ZBTB40: variants seen among roughly 807,000 people sequenced by gnomAD.
ZBTB40 encodes zinc finger and BTB domain containing 40.
A neutral mutation model predicts 117.5 loss-of-function variants in ZBTB40; 60 were observed. The observed-to-expected ratio is 0.51, with a 90% CI of 0.41 to 0.63. The LOEUF (loss-of-function observed/expected upper bound fraction) is 0.63. Ranked by LOEUF, ZBTB40 falls within the 30% of genes least tolerant of loss-of-function variation. ZBTB40 has a pLI of 0.00. For synonymous variants in ZBTB40, 525 were observed against 577.1 expected, an observed-to-expected ratio of 0.91 and a Z score of 1.29; for missense variants, 1,287 against 1,498.5, an observed-to-expected ratio of 0.86 and a Z score of 2.33.
At chr1:22,497,051 G>A (rs796535877) in intron 3 of ZBTB40, among the ~76,000 whole-genome samples, 39 of 152,318 alleles carry the variant, frequency 2.6e-4, no homozygotes, top group African/African-American at 9.1e-4. Flanking sequence ...CCTGATGTTC[G>A]AGGGCAGGAA....
At chr1:22,443,929 C>G (rs1640760562) in intron 1 of ZBTB40, among the ~76,000 whole-genome samples, 1 of 152,138 alleles carries the variant, frequency 6.6e-6, no homozygotes, top group Non-Finnish European at 1.5e-5. Context: ...CTAGGCATGT[C>G]CAACCTCCCT....
chr1:22,494,763 A>T (rs1016438270), intron 3 of ZBTB40, among the ~76,000 whole-genome samples: 1 of 152,254 alleles, frequency 6.6e-6, no homozygotes, highest in Non-Finnish European at 1.5e-5. Context: ...CTTGCTAGGC[A>T]GAGAAACTTC....
intron 1 of ZBTB40, among the ~76,000 whole-genome samples, chr1:22,476,042 A>G (rs1445438075): frequency 6.6e-6 from 1 of 152,332 alleles, no homozygotes; most frequent in African/African-American, 2.4e-5. Context: ...CTTGCCAGCA[A>G]TTGCGGATTA....
At position 22,528,273 on chromosome 1, in the gene ZBTB40, A is replaced by G. The variant is rs1224538833; in HGVS notation, c.*1877A>G. 1 of 152,532 alleles carries G rather than the reference A, an allele frequency of 6.6e-6. No homozygotes were observed. Among genetic ancestry groups the G allele is most frequent in the Non-Finnish European group, 1.5e-5 (1 of 68,042 alleles). The allele number at this position is 152,532 out of a possible 1,614,324, so 9.4% of individuals were successfully genotyped here. A position where few individuals can be genotyped will look rare whatever the true frequency, so the allele number is the denominator to read the frequency against. ...CCACTGAAAGATCGTAGAGTGGCAC[A>G]TGCTTACAGGGCATTGGTGCCAAGT... On this transcript the variant is annotated 3_prime_UTR_variant, in exon 18 of 18. Coordinates refer to ENST00000375647, the MANE Select transcript of ZBTB40 (RefSeq NM_014870.4).
chr1:22,524,254 C>T lies in ZBTB40; in HGVS notation c.3335C>T (p.Thr1112Ile), dbSNP rs773068830. The change falls in exon 17 of 18, where the codon ACT (threonine) becomes ATT (isoleucine). Residue 1112 changes from threonine to isoleucine, a missense_variant. Thr to Ile is a moderately conservative substitution (Grantham distance 89). Transcript: ENST00000375647. The part of the protein sequence containing the change: ...QPFRCLYCAA[T>I]FRFPGALQHH... ...TTCCGGTGCTTGTACTGTGCTGCTA[C>T]TTTCCGTTTTCCTGGAGCATTGCAG... The T allele has an allele frequency of 2.5e-6, 4 of 1,614,104 alleles. No individual in the cohort carries two copies. Among genetic ancestry groups the T allele is most frequent in the Non-Finnish European group, 3.4e-6 (4 of 1,180,056 alleles).
Position 22,528,881 on chromosome 1 carries a change from T to G in ZBTB40, c.*2485T>G, listed in dbSNP as rs2124482258. On this transcript the variant is annotated 3_prime_UTR_variant, in exon 18 of 18. Transcript: ENST00000375647. ...GATTGTGACAAGACATTTGTTTTCT[T>G]CGGAATCACCAGATTTGCAGCTTAC... 1 of 152,320 alleles carries G rather than the reference T, an allele frequency of 6.6e-6. No homozygotes were observed. Among genetic ancestry groups the G allele is most frequent in the South Asian group, 2.1e-4 (1 of 4,810 alleles). The allele number at this position is 152,320 out of a possible 1,614,324, so 9.4% of individuals were successfully genotyped here. A position where few individuals can be genotyped will look rare whatever the true frequency, so the allele number is the denominator to read the frequency against.
At chr1:22,442,271 G>A (rs190317957) in intron 1 of ZBTB40, among the ~76,000 whole-genome samples, 3 of 152,280 alleles carry the variant, frequency 2.0e-5, no homozygotes, top group East Asian at 1.9e-4. Flanking sequence ...GTATATTTCT[G>A]TTAGATCTGT....
intron 1 of ZBTB40, among the ~76,000 whole-genome samples, chr1:22,434,205 G>A (rs1640639838): frequency 6.6e-6 from 1 of 152,102 alleles, no homozygotes; most frequent in Non-Finnish European, 1.5e-5. Context: ...AATTAATCGA[G>A]CATCTTTTTG....
chr1:22,431,378 GTGTGTGTATATA>G (rs762589346), intron 1 of ZBTB40, among the ~76,000 whole-genome samples: 631 of 17,330 alleles, frequency 0.036, 4 homozygotes, highest in Middle Eastern at 0.17. Context: ...GTGTGTGTGT[GTGTGTGTATATA>G]TATATATATA....
chr1:22,431,380 G>GTA (rs1299801234), intron 1 of ZBTB40, among the ~76,000 whole-genome samples: 7 of 15,236 alleles, frequency 4.6e-4, no homozygotes, highest in Non-Finnish European at 5.8e-4. Flanking sequence ...GTGTGTGTGT[G>GTA]TGTGTATATA....
At chr1:22,508,278 A>C in intron 7 of ZBTB40, 141 bp downstream of exon 7, 1 of 1,109,216 alleles carries the variant, frequency 9.0e-7, no homozygotes, top group Non-Finnish European at 1.3e-6. Flanking sequence ...GAGAAATAGA[A>C]GGTATCTCAG....
chr1:22,444,728 T>C (rs1231184135), intron 1 of ZBTB40, among the ~76,000 whole-genome samples: 8 of 152,144 alleles, frequency 5.3e-5, no homozygotes, highest in Non-Finnish European at 5.9e-5. Context: ...CCCACCCCAA[T>C]GGAAGAATGA....
chr1:22,487,241 T>C (rs1248201797), intron 1 of ZBTB40, among the ~76,000 whole-genome samples: 2 of 152,202 alleles, frequency 1.3e-5, no homozygotes, highest in African/African-American at 4.8e-5. Context: ...CTCTGAAATA[T>C]TTTTATTTAT....
At position 22,516,491 on chromosome 1, in the gene ZBTB40, CG is replaced by C. The variant is rs529395231; in HGVS notation, c.2669-808del. On this transcript the variant is annotated intron_variant, in intron 12 of 17. Transcript: ENST00000375647. ...GATCATCTAGAAACAGGATTGAGAA[CG>C]TCAAGGACTAAGCCCCAGGCTCCTC... Among the ~76,000 whole-genome samples, 7 of 152,008 alleles carry C rather than the reference CG, an allele frequency of 4.6e-5. No homozygotes were observed. In the South Asian group the frequency reaches 1.5e-3, roughly 32 times the overall value.
chr1:22,506,212 A>C lies in ZBTB40; in HGVS notation c.1331A>C (p.Gln444Pro). ...CTGGGCCTTCTGCTAGAGAAGTTGC[A>C]GAAATCAGCCACTTTGCCAAGCACC... ...PNLGLLLEKL[Q>P]KSATLPSTTV... Residue 444 changes from glutamine to proline, a missense_variant, in exon 6 of 18, where the codon CAG (glutamine) becomes CCG (proline). Gln to Pro is a moderately conservative substitution (Grantham distance 76). This residue lies in a region of ZBTB40 where 870 missense variants were observed against 934.4 expected (regional missense o/e 0.93). Transcript: ENST00000375647. 7 of 1,614,230 alleles carry C rather than the reference A, an allele frequency of 4.3e-6. No individual in the cohort carries two copies. Among genetic ancestry groups the C allele is most frequent in the Non-Finnish European group, 5.9e-6 (7 of 1,180,040 alleles).
chr1:22,484,867 G>T (rs1638422873), intron 1 of ZBTB40, among the ~76,000 whole-genome samples: 1 of 152,142 alleles, frequency 6.6e-6, no homozygotes, highest in Non-Finnish European at 1.5e-5. Flanking sequence ...TTGGATTTCT[G>T]CCAGATGCTT....
chr1:22,434,550 T>C (rs755738559), intron 1 of ZBTB40, among the ~76,000 whole-genome samples: 5 of 152,222 alleles, frequency 3.3e-5, no homozygotes, highest in Admixed American at 1.3e-4. Context: ...TACTTTAATG[T>C]CTACAATTTT....
intron 1 of ZBTB40, among the ~76,000 whole-genome samples, chr1:22,463,151 A>G (rs1218378352): frequency 1.3e-5 from 2 of 152,212 alleles, no homozygotes; most frequent in Admixed American, 6.5e-5. Flanking sequence ...GAGTTAAGCA[A>G]CTTGACTAAA....
rs542154213 is a variant in ZBTB40, at chr1:22,475,416, A to G, written c.-69-14464A>G. On this transcript the variant is annotated intron_variant, in intron 1 of 17. Transcript: ENST00000375647. ...CCATCCCAGTGTCCATAACAGCGAT[A>G]GCAGTTACTTATCAGGTGCCTTTCC... 2.0e-5 allele frequency among the ~76,000 whole-genome samples: 3 copies of G among 152,346 alleles called. No individual in the cohort carries two copies. In the South Asian group the frequency reaches 6.2e-4, roughly 32 times the overall value.
Sources: gnomAD v4.1 joint callset for allele counts (sites outside exome capture counted in the v4.1 genomes callset) on GRCh38, gnomAD v4.1.1 for gene constraint, gnomAD v4.1.1 regional missense constraint, MANE v1.5 for transcripts, NCBI Gene and HGNC (gene_info 2026-07-23, HGNC 2026-07-21) for gene names.